The following ORC3 variants were observed in gnomAD, a reference collection of about 807,000 sequenced individuals.
The protein encoded by ORC3 is origin recognition complex subunit 3, also known as homolog of latheo, Drosophila.
Under a neutral mutation model 100.7 loss-of-function variants are expected in ORC3, and 78 were observed. The observed-to-expected ratio is 0.77, with a 90% CI of 0.65 to 0.94. The LOEUF is 0.94. ORC3 is among the 40% of genes least tolerant of loss of function. The pLI, the probability that ORC3 is intolerant of heterozygous loss-of-function variation, is 0.00. For synonymous variants in ORC3, 295 were observed against 289.3 expected (o/e 1.02, Z -0.20); for missense variants, 789 against 823.9 (o/e 0.96, Z 0.52).
At chr6:87,601,952 C>T (rs1040473823) in intron 3 of ORC3, 71 bp downstream of exon 3, 1 of 866,684 alleles carries the variant, frequency 1.2e-6, no homozygotes, top group Non-Finnish European at 2.0e-6. Flanking sequence ...TCTTCCTTTC[C>T]ACCAGTTTAC....
At chr6:87,621,299 AAT>A in intron 9 of ORC3, 53 bp from the exon 10 acceptor site, 1 of 1,352,706 alleles carries the variant, frequency 7.4e-7, no homozygotes. Flanking sequence ...ATTGTAGCGC[AAT>A]AGATTTACTG....
chr6:87,606,077 CT>C (rs200171142), intron 5 of ORC3, 56 bp downstream of exon 5: 72,629 of 940,928 alleles, frequency 0.077, 3,109 homozygotes, highest in East Asian at 0.093. Context: ...TTCTTTCATC[CT>C]TTTCTCTCTT....
chr6:87,638,996 C>A (rs1480057581), intron 13 of ORC3, among the ~76,000 whole-genome samples: 2 of 151,512 alleles, frequency 1.3e-5, no homozygotes, highest in Non-Finnish European at 2.9e-5. Context: ...ATTCAGTGTA[C>A]CTTGTTTCAT....
At chr6:87,636,366 A>G (rs1222395679) in intron 12 of ORC3, 41 bp from the exon 13 acceptor site, 3 of 1,233,846 alleles carry the variant, frequency 2.4e-6, no homozygotes, top group Non-Finnish European at 2.4e-6. Flanking sequence ...AGTAGTGTGT[A>G]TACACTTTTG....
At chr6:87,663,737 C>G (rs1230942185) in intron 17 of ORC3, among the ~76,000 whole-genome samples, 1 of 152,200 alleles carries the variant, frequency 6.6e-6, no homozygotes, top group Non-Finnish European at 1.5e-5. Context: ...AACAATAGTT[C>G]AAGACAGCTC....
At chr6:87,651,106 G>A (rs1351421791) in intron 13 of ORC3, 4 of 453,374 alleles carry the variant, frequency 8.8e-6, no homozygotes, top group Non-Finnish European at 1.3e-5. Context: ...TAAGAGTTAT[G>A]ACTAATGAAG....
At chr6:87,661,591 A>G (rs1770181679) in intron 16 of ORC3, among the ~76,000 whole-genome samples, 1 of 152,150 alleles carries the variant, frequency 6.6e-6, no homozygotes, top group South Asian at 2.1e-4. Context: ...AGGGAGTGGT[A>G]TCCTCTCCAG....
At chr6:87,628,548 T>G (rs1296067566) in intron 11 of ORC3, among the ~76,000 whole-genome samples, 1 of 152,234 alleles carries the variant, frequency 6.6e-6, no homozygotes. Context: ...TTATACCTAT[T>G]TTCCCAACTA....
At chr6:87,609,289 T>G (rs1045126036) in intron 7 of ORC3, 60 bp downstream of exon 7, 1 of 1,204,316 alleles carries the variant, frequency 8.3e-7, no homozygotes, top group African/African-American at 1.5e-5. Flanking sequence ...ATACTACTTT[T>G]AACTTGAAAA....
At chr6:87,637,773 G>A (rs1255795860) in intron 13 of ORC3, among the ~76,000 whole-genome samples, 1 of 152,224 alleles carries the variant, frequency 6.6e-6, no homozygotes. Context: ...AAGAATGCCA[G>A]TTCCAAAGTA....
rs769217407 is a variant in ORC3, at chr6:87,616,446, G to T, written c.987+19G>T. 3.1e-6 allele frequency: 3 copies of T among 978,960 alleles called. No individual in the cohort carries two copies. In the South Asian group the frequency reaches 4.0e-5, roughly 13 times the overall value. The allele number at this position is 978,960 out of a possible 1,614,324, so 60.6% of individuals were successfully genotyped here. ...ACTTCAGGTAAGAACACAGTAATGGGTTTGAAAATTCTCAAGCTGATTCTA... is the reference window on the plus strand; with the variant it reads ...ACTTCAGGTAAGAACACAGTAATGGTTTTGAAAATTCTCAAGCTGATTCTA... On this transcript the variant is annotated intron_variant, in intron 9 of 19. Transcript: ENST00000392844.
downstream of ORC3, among the ~76,000 whole-genome samples, chr6:87,670,100 CG>C (rs1215548872): frequency 1.3e-5 from 2 of 152,152 alleles, no homozygotes; most frequent in African/African-American, 4.8e-5. Context: ...CCAACATAAA[CG>C]CATGTCATGC....
intron 13 of ORC3, chr6:87,651,025 A>G (rs1769222422): frequency 5.5e-6 from 2 of 366,738 alleles, no homozygotes; most frequent in East Asian, 7.3e-5. Context: ...AAACAAAAAA[A>G]GAATAAGAGG....
chr6:87,636,786 C>T (rs911083403), intron 13 of ORC3, among the ~76,000 whole-genome samples: 1 of 152,146 alleles, frequency 6.6e-6, no homozygotes, highest in Admixed American at 6.5e-5. Context: ...TCATTTGAAT[C>T]CAGCCAACTT....
chr6:87,602,940 ATATACAC>A (rs1778034406), intron 3 of ORC3, among the ~76,000 whole-genome samples: 1 of 135,684 alleles, frequency 7.4e-6, no homozygotes, highest in Admixed American at 7.8e-5. Context: ...GTTTATATAT[ATATACAC>A]ATATATAATA....
downstream of ORC3, among the ~76,000 whole-genome samples, chr6:87,671,461 G>A (rs777785314): frequency 6.6e-6 from 1 of 151,902 alleles, no homozygotes; most frequent in East Asian, 1.9e-4. Flanking sequence ...CGTAAATTTC[G>A]AGGTGTCTAC....
chr6:87,628,898 TCA>T (rs1470913768), intron 11 of ORC3, among the ~76,000 whole-genome samples: 4 of 152,124 alleles, frequency 2.6e-5, no homozygotes, highest in South Asian at 4.1e-4. Context: ...AGGAAAACAA[TCA>T]CAGTCTATCA....
chr6:87,645,639 G>A (rs1284417648), intron 13 of ORC3, among the ~76,000 whole-genome samples: 2 of 151,988 alleles, frequency 1.3e-5, no homozygotes, highest in Non-Finnish European at 2.9e-5. Context: ...TTGAAAACTC[G>A]TCAGGCAAAA....
chr6:87,619,453 C>G (rs1252859936), intron 9 of ORC3, among the ~76,000 whole-genome samples: 2 of 152,196 alleles, frequency 1.3e-5, no homozygotes, highest in Non-Finnish European at 2.9e-5. Context: ...GTCGCCCAGG[C>G]TGGAGTGCAG....
Sources: gnomAD v4.1 joint callset for allele counts (sites outside exome capture counted in the v4.1 genomes callset) on GRCh38, gnomAD v4.1.1 for gene constraint, MANE v1.5 for transcripts, NCBI Gene and HGNC (gene_info 2026-07-23, HGNC 2026-07-21) for gene names.